The following PRDM10 variants were observed in gnomAD, a reference collection of about 807,000 sequenced individuals.
PRDM10 encodes PR/SET domain 10, also known as PR domain zinc finger protein 10.
A neutral mutation model predicts 133.1 loss-of-function variants in PRDM10; 65 were observed. That is an observed-to-expected ratio of 0.49 (90% CI 0.40 to 0.60). The LOEUF is 0.60. PRDM10 is among the 20% of genes least tolerant of loss of function. PRDM10 has a pLI of 0.00. For synonymous variants in PRDM10, 582 were observed against 580.4 expected (o/e 1.00, Z -0.04); for missense variants, 1,137 against 1,507.1 (o/e 0.75, Z 4.07).
At chr11:129,927,817 C>T (rs1264121092) in intron 11 of PRDM10, among the ~76,000 whole-genome samples, 3 of 152,084 alleles carry the variant, frequency 2.0e-5, no homozygotes, top group Non-Finnish European at 4.4e-5. Flanking sequence ...ACTTGCAGGC[C>T]ATTTCTGTTC....
intron 1 of PRDM10, among the ~76,000 whole-genome samples, chr11:129,982,406 G>T (rs1938165230): frequency 6.6e-6 from 1 of 151,936 alleles, no homozygotes; most frequent in South Asian, 2.1e-4. Flanking sequence ...GGGATTACAG[G>T]TGCCCACCAC....
chr11:129,929,613 T>A (rs898568922), intron 11 of PRDM10, among the ~76,000 whole-genome samples: 6 of 152,090 alleles, frequency 3.9e-5, no homozygotes, highest in Non-Finnish European at 5.9e-5. Context: ...CAGATACATA[T>A]GGCTTTCGCT....
chr11:129,992,217 T>C (rs941657795), intron 1 of PRDM10, among the ~76,000 whole-genome samples: 1 of 152,208 alleles, frequency 6.6e-6, no homozygotes, highest in African/African-American at 2.4e-5. Flanking sequence ...AAAATCAGTA[T>C]AATCATAGTC....
At chr11:129,935,552 C>T (rs1285639680) in intron 8 of PRDM10, among the ~76,000 whole-genome samples, 1 of 152,116 alleles carries the variant, frequency 6.6e-6, no homozygotes, top group East Asian at 1.9e-4. Flanking sequence ...GATAACCTAG[C>T]GATTCAGACC....
chr11:129,924,620 C>A (rs921916496), intron 12 of PRDM10, among the ~76,000 whole-genome samples: 1 of 152,124 alleles, frequency 6.6e-6, no homozygotes, highest in South Asian at 2.1e-4. Context: ...TTATGAAAGA[C>A]TTTTTAAAAA....
intron 1 of PRDM10, among the ~76,000 whole-genome samples, chr11:129,961,585 C>A (rs958802441): frequency 2.0e-5 from 3 of 151,494 alleles, no homozygotes; most frequent in African/African-American, 7.3e-5. Context: ...GGATTACAGG[C>A]ATGAGCCACC....
At chr11:129,912,333 A>G in intron 17 of PRDM10, 108 bp from the exon 18 acceptor site, 4 of 1,232,044 alleles carry the variant, frequency 3.2e-6, no homozygotes, top group Non-Finnish European at 3.2e-6. Context: ...GGCCGGGTGC[A>G]GTGGCTCATG....
Position 129,918,071 on chromosome 11 carries a change from C to T in PRDM10, c.2214+468G>A, listed in dbSNP as rs186369503. The stretch of plus-strand genomic sequence containing the variant: ...GCTTGAACCTGGGAGGGGGAGGTTG[C>T]AGTGAGCTGAGATCACGCCATTTCA... On this transcript the variant is annotated intron_variant, in intron 14 of 20. Transcript: ENST00000360871. The surrounding 1 kb of genome is among the most constrained non-coding windows in gnomAD (Gnocchi z 5.3). Among the ~76,000 whole-genome samples, 1 of 152,036 alleles carries T rather than the reference C, an allele frequency of 6.6e-6. No individual in the cohort carries two copies. Among genetic ancestry groups the T allele is most frequent in the Non-Finnish European group, 1.5e-5 (1 of 68,016 alleles).
intron 10 of PRDM10, 94 bp from the exon 11 acceptor site, chr11:129,931,352 A>G (rs1950851993): frequency 1.4e-6 from 2 of 1,447,088 alleles, no homozygotes; most frequent in Admixed American, 2.3e-5. Context: ...GACTAGATTC[A>G]TAATACTCAG....
chr11:129,930,929 G>GT, intron 11 of PRDM10, 87 bp downstream of exon 11: 1 of 1,492,822 alleles, frequency 6.7e-7, no homozygotes, highest in Non-Finnish European at 8.9e-7. Flanking sequence ...AGAGAGGAAG[G>GT]TGAATAGGTT....
chr11:129,962,181 T>C (rs2135927006), intron 1 of PRDM10, among the ~76,000 whole-genome samples: 1 of 152,336 alleles, frequency 6.6e-6, no homozygotes, highest in South Asian at 2.1e-4. Context: ...CAAAATCTTA[T>C]TCCTTCCCAA....
At chr11:129,905,825 G>A in intron 19 of PRDM10, 84 bp from the exon 20 acceptor site, 1 of 1,129,474 alleles carries the variant, frequency 8.9e-7, no homozygotes, top group East Asian at 2.5e-5. Context: ...AGTAGCCACA[G>A]TCCGCACTGA....
At chr11:129,978,470 G>A (rs1380507297) in intron 1 of PRDM10, among the ~76,000 whole-genome samples, 1 of 152,244 alleles carries the variant, frequency 6.6e-6, no homozygotes, top group Non-Finnish European at 1.5e-5. Flanking sequence ...GTCTCTGGCT[G>A]TCATCAAGGA....
At chr11:129,910,712 A>G (rs761021582) in intron 18 of PRDM10, 56 bp from the exon 19 acceptor site, 81 of 1,363,398 alleles carry the variant, frequency 5.9e-5, no homozygotes, top group Non-Finnish European at 1.3e-5. Flanking sequence ...TATAGTGAAG[A>G]CTCACAAATA....
chr11:129,915,155 T>C, intron 16 of PRDM10, 137 bp from the exon 17 acceptor site: 3 of 852,088 alleles, frequency 3.5e-6, no homozygotes, highest in Non-Finnish European at 5.3e-6. Context: ...ACTGACTCTA[T>C]GCCTGTACTT....
chr11:129,958,009 T>TG (rs1393119558), intron 2 of PRDM10, 99 bp from the exon 3 acceptor site: 12 of 1,342,452 alleles, frequency 8.9e-6, no homozygotes, highest in Non-Finnish European at 4.1e-6. Flanking sequence ...GACAGGAGAA[T>TG]GGGGATGGAT....
chr11:129,916,753 C>G (rs1468639209), intron 15 of PRDM10, among the ~76,000 whole-genome samples: 1 of 152,188 alleles, frequency 6.6e-6, no homozygotes, highest in Admixed American at 6.5e-5. Context: ...GCTTTCCCAA[C>G]CCCCTCCACC....
At chr11:129,930,593 C>A (rs908413964) in intron 11 of PRDM10, among the ~76,000 whole-genome samples, 4 of 152,314 alleles carry the variant, frequency 2.6e-5, no homozygotes, top group African/African-American at 9.6e-5. Context: ...ATTTGCCATT[C>A]TCCCCTGGGA....
At chr11:129,974,794 G>T (rs1937663608) in intron 1 of PRDM10, among the ~76,000 whole-genome samples, 1 of 152,172 alleles carries the variant, frequency 6.6e-6, no homozygotes, top group Non-Finnish European at 1.5e-5. Context: ...TTGAGGAATG[G>T]GTCAACAAAC....
Sources: allele counts gnomAD v4.1 joint callset (sites outside exome capture counted in the v4.1 genomes callset), GRCh38; gene constraint gnomAD v4.1.1; non-coding constraint Gnocchi (gnomAD v3.1); transcripts MANE v1.5; gene names NCBI Gene and HGNC (gene_info 2026-07-23, HGNC 2026-07-21).